Variants in FOXP1 observed in about 807,000 individuals in gnomAD.
FOXP1 encodes the protein forkhead box P1, also known as forkhead box protein P1.
FOXP1 carries 15 observed loss-of-function variants against 98.2 expected under a neutral mutation model. The observed-to-expected ratio is 0.15, with a 90% CI of 0.10 to 0.24. The LOEUF (loss-of-function observed/expected upper bound fraction) is 0.24. Ranked by LOEUF, FOXP1 falls within the 10% of genes least tolerant of loss-of-function variation. FOXP1 has a pLI of 1.00. For synonymous variants in FOXP1, 371 were observed against 314.5 expected, an observed-to-expected ratio of 1.18 and a Z score of -1.90; for missense variants, 633 against 848.5, an observed-to-expected ratio of 0.75 and a Z score of 3.15.
chr3:71,098,618 G>C (rs765990098), intron 7 of FOXP1, among the ~76,000 whole-genome samples: 9 of 151,988 alleles, frequency 5.9e-5, no homozygotes, highest in Non-Finnish European at 1.3e-4. Context: ...TTTTGGCTTA[G>C]GTATTTTACT....
intron 5 of FOXP1, among the ~76,000 whole-genome samples, chr3:71,261,974 T>A (rs1400599808): frequency 6.6e-6 from 1 of 152,050 alleles, no homozygotes; most frequent in Non-Finnish European, 1.5e-5. Flanking sequence ...GAACAAATAT[T>A]TGTCAAATCC....
At chr3:70,960,325 C>T (rs891827421) in intron 20 of FOXP1, among the ~76,000 whole-genome samples, 3 of 152,136 alleles carry the variant, frequency 2.0e-5, no homozygotes, top group African/African-American at 4.8e-5. Flanking sequence ...GTAAACAAGG[C>T]AAAACATGAG....
At chr3:71,358,441 A>G (rs1237230585) in intron 4 of FOXP1, among the ~76,000 whole-genome samples, 3 of 152,254 alleles carry the variant, frequency 2.0e-5, no homozygotes, top group Non-Finnish European at 4.4e-5. Context: ...TGAAGAAGTC[A>G]CACTCCACAA....
At chr3:71,043,098 G>A (rs1381349172) in intron 10 of FOXP1, among the ~76,000 whole-genome samples, 2 of 152,136 alleles carry the variant, frequency 1.3e-5, no homozygotes, top group Non-Finnish European at 2.9e-5. Flanking sequence ...AACAAAAACA[G>A]TTGGTCCCTC....
chr3:71,067,306 G>C (rs1177981859), intron 7 of FOXP1, among the ~76,000 whole-genome samples: 3 of 152,164 alleles, frequency 2.0e-5, no homozygotes, highest in African/African-American at 7.2e-5. Flanking sequence ...AAACTCCTGT[G>C]GTCCTGTGTA....
At chr3:71,158,551 T>C (rs1323314885) in intron 6 of FOXP1, among the ~76,000 whole-genome samples, 1 of 152,134 alleles carries the variant, frequency 6.6e-6, no homozygotes, top group Non-Finnish European at 1.5e-5. Context: ...CCCTTTTCAC[T>C]GTCTGCTGAA....
chr3:71,201,310 C>T (rs968316094), intron 5 of FOXP1, among the ~76,000 whole-genome samples: 1 of 152,160 alleles, frequency 6.6e-6, no homozygotes, highest in Non-Finnish European at 1.5e-5. Context: ...TTTCCCTGGG[C>T]GTTTCAGTCT....
intron 6 of FOXP1, among the ~76,000 whole-genome samples, chr3:71,135,530 G>C (rs1200792195): frequency 1.3e-5 from 2 of 152,144 alleles, no homozygotes; most frequent in Admixed American, 1.3e-4. Flanking sequence ...GGTCAGCAAA[G>C]CTATGCTAAA....
At chr3:71,244,330 C>T (rs575657907) in intron 5 of FOXP1, among the ~76,000 whole-genome samples, 2 of 152,182 alleles carry the variant, frequency 1.3e-5, no homozygotes, top group African/African-American at 2.4e-5. Context: ...GATCTCTCCC[C>T]CCTCTTTTAG....
intron 5 of FOXP1, among the ~76,000 whole-genome samples, chr3:71,285,356 GT>G (rs2072002234): frequency 6.6e-6 from 1 of 152,148 alleles, no homozygotes; most frequent in Non-Finnish European, 1.5e-5. Flanking sequence ...AAAATGCACA[GT>G]AGTTGTCAAC....
At chr3:71,429,767 A>T (rs2084525810) in intron 3 of FOXP1, among the ~76,000 whole-genome samples, 2 of 152,196 alleles carry the variant, frequency 1.3e-5, no homozygotes, top group Non-Finnish European at 2.9e-5. Context: ...AATCACCGTC[A>T]TTGAAAGACA....
chr3:71,330,448 T>C (rs9829621), intron 4 of FOXP1, among the ~76,000 whole-genome samples: 27,949 of 152,206 alleles, frequency 0.18, 2,711 homozygotes, highest in Non-Finnish European at 0.21. Flanking sequence ...ACATTTGAGT[T>C]TGAAATGCAT....
At chr3:71,178,031 G>A (rs1384970222) in intron 6 of FOXP1, among the ~76,000 whole-genome samples, 2 of 149,300 alleles carry the variant, frequency 1.3e-5, no homozygotes, top group South Asian at 2.1e-4. Context: ...ATGAGGTCTC[G>A]CTATGTTGCC....
At chr3:71,003,859 G>C (rs2042421828) in intron 12 of FOXP1, among the ~76,000 whole-genome samples, 1 of 151,994 alleles carries the variant, frequency 6.6e-6, no homozygotes, top group Non-Finnish European at 1.5e-5. Context: ...CTCGCTAATG[G>C]ATCCAATATA....
At position 71,156,888 on chromosome 3, in the gene FOXP1, T is replaced by C. The variant is rs1328233739; in HGVS notation, c.180+41314A>G. Among the ~76,000 whole-genome samples, 2 of 152,344 alleles carry C rather than the reference T, an allele frequency of 1.3e-5. 1 individual carries two copies. The highest frequency in any genetic ancestry group is 4.8e-5 in the African/African-American group (2 of 41,592). On this transcript the variant is annotated intron_variant, in intron 6 of 20. Transcript: ENST00000649528. ...CAGGTCCAGCACACCTGGGCAACCA[T>C]TGGTCCTGCCTGCCACACTGGGCCA...
intron 7 of FOXP1, among the ~76,000 whole-genome samples, chr3:71,092,892 A>C (rs2056032578): frequency 6.6e-6 from 1 of 152,186 alleles, no homozygotes; most frequent in Admixed American, 6.5e-5. Context: ...TACTTTAGAG[A>C]TATATGAAGA....
chr3:71,341,061 A>C (rs2076979855), intron 4 of FOXP1, among the ~76,000 whole-genome samples: 1 of 152,190 alleles, frequency 6.6e-6, no homozygotes, highest in Non-Finnish European at 1.5e-5. Context: ...GGACAGAATG[A>C]GGCAGAAGAT....
At chr3:71,161,959 A>G (rs10511014) in intron 6 of FOXP1, among the ~76,000 whole-genome samples, 65,694 of 151,984 alleles carry the variant, frequency 0.43, 16,962 homozygotes, top group Middle Eastern at 0.64. Flanking sequence ...CAACTAAAAG[A>G]AGGATGCATT....
At chr3:71,040,909 T>C (rs1015249599) in intron 11 of FOXP1, among the ~76,000 whole-genome samples, 2 of 152,176 alleles carry the variant, frequency 1.3e-5, no homozygotes, top group Non-Finnish European at 2.9e-5. Flanking sequence ...GGGAGCAATG[T>C]AGAGTAACAT....
Sources: allele counts gnomAD v4.1 joint callset (sites outside exome capture counted in the v4.1 genomes callset), GRCh38; gene constraint gnomAD v4.1.1; transcripts MANE v1.5; gene names NCBI Gene and HGNC (gene_info 2026-07-23, HGNC 2026-07-21).